Variants in ENPP2 observed in about 807,000 individuals in gnomAD.
The protein encoded by ENPP2 is ectonucleotide pyrophosphatase/phosphodiesterase 2, also known as autotaxin.
ENPP2 carries 51 observed loss-of-function variants against 120.2 expected under a neutral mutation model. The observed-to-expected ratio is 0.42, with a 90% CI of 0.34 to 0.54. The LOEUF (loss-of-function observed/expected upper bound fraction) is 0.54. ENPP2 is among the 20% of genes least tolerant of loss of function. ENPP2 has a pLI of 0.04. For missense variants in ENPP2, 920 were observed against 1,066.5 expected (o/e 0.86, Z 1.91); for synonymous variants, 365 against 366.4 (o/e 1.00, Z 0.04).
intron 24 of ENPP2, among the ~76,000 whole-genome samples, chr8:119,560,055 C>A (rs1813805051): frequency 6.6e-6 from 1 of 152,196 alleles, no homozygotes; most frequent in South Asian, 2.1e-4. Flanking sequence ...TACAGAACAG[C>A]CTTTGTACCA....
Position 119,557,563 on chromosome 8 carries a change from C to T in ENPP2, c.2550G>A (p.Leu850=). Residue 850 remains leucine, a synonymous_variant, in exon 25 of 25, where the codon CTG becomes CTA. Transcript: ENST00000075322. ...ATGTATGCAGGTATGTCTTGAGTGT[C>T]AGGATTTCTGGGTAGCTGCGGCTGG... ...RKTSRSYPEI[L]TLKTYLHTYE... 6.2e-7 allele frequency: 1 copy of T among 1,613,250 alleles called. No homozygotes were observed. The highest frequency in any genetic ancestry group is 8.5e-7 in the Non-Finnish European group (1 of 1,179,968).
chr8:119,669,969 G>C (rs547805598), intron 1 of ENPP2, among the ~76,000 whole-genome samples: 1 of 152,310 alleles, frequency 6.6e-6, no homozygotes, highest in South Asian at 2.1e-4. Flanking sequence ...TAGAGGGCTT[G>C]CTTGCCCACT....
intron 15 of ENPP2, 69 bp from the exon 16 acceptor site, chr8:119,584,118 AG>A: frequency 9.3e-7 from 1 of 1,074,072 alleles, no homozygotes; most frequent in Non-Finnish European, 1.4e-6. Context: ...AGGTAATTTC[AG>A]GGTACAAAGA....
intron 11 of ENPP2, among the ~76,000 whole-genome samples, chr8:119,600,251 T>C (rs188494503): frequency 2.0e-4 from 30 of 152,298 alleles, no homozygotes; most frequent in African/African-American, 6.5e-4. Flanking sequence ...GCTTAGCTGA[T>C]CTACCCTCTC....
At chr8:119,608,626 T>C (rs546392973) in intron 8 of ENPP2, among the ~76,000 whole-genome samples, 3 of 152,332 alleles carry the variant, frequency 2.0e-5, no homozygotes, top group African/African-American at 7.2e-5. Flanking sequence ...GCATAAGATA[T>C]AGGAGTTTAG....
intron 20 of ENPP2, 72 bp from the exon 21 acceptor site, chr8:119,569,442 G>A (rs942714288): frequency 4.8e-6 from 7 of 1,456,146 alleles, no homozygotes; most frequent in Non-Finnish European, 6.7e-6. Flanking sequence ...AACCCCTCTG[G>A]CTTCTCCTAT....
At chr8:119,569,415 C>T (rs745777695) in intron 20 of ENPP2, 45 bp from the exon 21 acceptor site, 103 of 1,601,858 alleles carry the variant, frequency 6.4e-5, no homozygotes, top group Non-Finnish European at 7.2e-5. Flanking sequence ...GGCTCTGTTA[C>T]GAACGGCTGA....
At chr8:119,619,152 C>T in intron 5 of ENPP2, 92 bp downstream of exon 5, 1 of 951,352 alleles carries the variant, frequency 1.1e-6, no homozygotes, top group Non-Finnish European at 1.7e-6. Context: ...AATTTCAGTT[C>T]CACATTGTTT....
intron 1 of ENPP2, among the ~76,000 whole-genome samples, chr8:119,655,939 G>T (rs1166338788): frequency 2.6e-5 from 4 of 152,172 alleles, no homozygotes; most frequent in Non-Finnish European, 2.9e-5. Flanking sequence ...CAGTTGAGAA[G>T]TTTTTCCCTA....
intron 19 of ENPP2, among the ~76,000 whole-genome samples, chr8:119,576,574 T>G (rs1376587780): frequency 6.6e-6 from 1 of 152,230 alleles, no homozygotes; most frequent in Non-Finnish European, 1.5e-5. Context: ...TAAGAAAATA[T>G]GAAACATTTT....
At chr8:119,657,570 G>A (rs768929279) in intron 1 of ENPP2, among the ~76,000 whole-genome samples, 4 of 151,560 alleles carry the variant, frequency 2.6e-5, no homozygotes, top group Non-Finnish European at 4.4e-5. Context: ...TGTAATTAGC[G>A]ATGCGGTCAA....
intron 1 of ENPP2, among the ~76,000 whole-genome samples, chr8:119,667,123 C>G (rs978063465): frequency 3.3e-5 from 5 of 152,146 alleles, no homozygotes; most frequent in African/African-American, 1.2e-4. Context: ...TAGGACCATA[C>G]CAGGAAACCA....
intron 22 of ENPP2, among the ~76,000 whole-genome samples, chr8:119,567,782 A>T (rs1235902775): frequency 7.2e-5 from 11 of 152,234 alleles, no homozygotes; most frequent in Admixed American, 7.2e-4. Context: ...TTCAAAATAT[A>T]GTGAAGACCC....
At chr8:119,642,976 C>T (rs1013652363), upstream of ENPP2, among the ~76,000 whole-genome samples, 1 of 152,128 alleles carries the variant, frequency 6.6e-6, no homozygotes, top group Non-Finnish European at 1.5e-5. Context: ...CAGAGTTTCT[C>T]ATTATGCAGA....
chr8:119,607,310 C>A (rs1814786189), intron 9 of ENPP2, among the ~76,000 whole-genome samples: 1 of 152,110 alleles, frequency 6.6e-6, no homozygotes, highest in African/African-American at 2.4e-5. Flanking sequence ...TGGCAAGTTA[C>A]CAAAAACCTA....
At chr8:119,615,686 TC>T (rs1815408199) in intron 8 of ENPP2, among the ~76,000 whole-genome samples, 1 of 152,242 alleles carries the variant, frequency 6.6e-6, no homozygotes. Flanking sequence ...ACTGTGGATT[TC>T]AGTGAGTTCC....
At position 119,617,524 on chromosome 8, in the gene ENPP2, G is replaced by T; in HGVS notation, c.519C>A (p.Gly173=). Residue 173 remains glycine (G), a synonymous_variant, in exon 6 of 25, where the codon GGC becomes GGA. Transcript: ENST00000075322. The part of the protein sequence containing the change: ...RPPLIIFSVD[G]FRASYMKKGS... ...CTTTCTTCATGTATGATGCACGGAAGCCATCCACGGAGAAGATGATTAATG... is the reference window on the plus strand; with the variant it reads ...CTTTCTTCATGTATGATGCACGGAATCCATCCACGGAGAAGATGATTAATG... 1 of 1,613,636 alleles carries T rather than the reference G, an allele frequency of 6.2e-7. No homozygotes were observed. Among genetic ancestry groups the T allele is most frequent in the Non-Finnish European group, 8.5e-7 (1 of 1,179,696 alleles).
chr8:119,626,504 C>A, intron 3 of ENPP2, 61 bp downstream of exon 3: 1 of 1,441,880 alleles, frequency 6.9e-7, no homozygotes, highest in Non-Finnish European at 9.7e-7. Flanking sequence ...AGGATGCATA[C>A]AATAGCAGGC....
chr8:119,562,864 C>T lies in ENPP2; in HGVS notation c.2414G>A (p.Ser805Asn), dbSNP rs773834932. The change falls in exon 24 of 25, where the codon AGC becomes AAC. Residue 805 changes from serine (S) to asparagine (N), a missense_variant. By Grantham distance (46) the Ser-to-Asn change is conservative. Coordinates refer to ENST00000075322, the MANE Select transcript of ENPP2 (RefSeq NM_001040092.3). ...ILPHRPDNEESCNSSEDESKW... is the reference protein window; with the variant it reads ...ILPHRPDNEENCNSSEDESKW... ...CTCTCTCTGTAAACTCACATTGCAGCTCTCCTCGTTGTCAGGCCGGTGAGG... is the reference window on the plus strand; with the variant it reads ...CTCTCTCTGTAAACTCACATTGCAGTTCTCCTCGTTGTCAGGCCGGTGAGG... 1 of 1,613,958 alleles carries T rather than the reference C, an allele frequency of 6.2e-7. No homozygotes were observed. The highest frequency in any genetic ancestry group is 8.5e-7 in the Non-Finnish European group (1 of 1,179,912).
Sources: allele counts gnomAD v4.1 joint callset (sites outside exome capture counted in the v4.1 genomes callset), GRCh38; gene constraint gnomAD v4.1.1; transcripts MANE v1.5; gene names NCBI Gene and HGNC (gene_info 2026-07-23, HGNC 2026-07-21).